The following RGL1 variants were observed in gnomAD, a reference collection of about 807,000 sequenced individuals.
The protein encoded by RGL1 is ral guanine nucleotide dissociation stimulator-like 1.
RGL1 carries 24 observed loss-of-function variants against 95.2 expected under a neutral mutation model. The ratio of observed to expected loss-of-function variants is 0.25; its 90% CI spans 0.18 to 0.35. The LOEUF is 0.35. RGL1 is among the 10% of genes least tolerant of loss of function. The pLI, the probability that RGL1 is intolerant of heterozygous loss-of-function variation, is 1.00. For missense variants in RGL1, 715 were observed against 936.3 expected, an observed-to-expected ratio of 0.76 and a Z score of 3.08; for synonymous variants, 329 against 344.9, an observed-to-expected ratio of 0.95 and a Z score of 0.51.
At chr1:183,836,708 A>T (rs1395294914) in intron 2 of RGL1, among the ~76,000 whole-genome samples, 1 of 152,154 alleles carries the variant, frequency 6.6e-6, no homozygotes, top group Non-Finnish European at 1.5e-5. Context: ...CAAGCCCATG[A>T]TCTAGGAATA....
chr1:183,900,312 TAG>T, intron 11 of RGL1, 76 bp downstream of exon 11: 5 of 1,197,778 alleles, frequency 4.2e-6, no homozygotes, highest in Non-Finnish European at 6.2e-6. Flanking sequence ...TAACTTCTCT[TAG>T]TATCTTTTGA....
chr1:183,843,723 G>C (rs896846771), intron 2 of RGL1, among the ~76,000 whole-genome samples: 1 of 152,172 alleles, frequency 6.6e-6, no homozygotes, highest in Non-Finnish European at 1.5e-5. Flanking sequence ...ATCACAAGGC[G>C]AGGAAGCTTG....
chr1:183,751,743 G>T (rs1157178812), intron 2 of RGL1, among the ~76,000 whole-genome samples: 1 of 152,166 alleles, frequency 6.6e-6, no homozygotes, highest in Non-Finnish European at 1.5e-5. Context: ...CTTAGTATCT[G>T]GGCCAGAGAG....
At chr1:183,669,504 C>G (rs888707193) in intron 1 of RGL1, among the ~76,000 whole-genome samples, 3 of 152,208 alleles carry the variant, frequency 2.0e-5, no homozygotes, top group African/African-American at 7.2e-5. Context: ...ATATGCGATT[C>G]TGTCCAGATA....
At chr1:183,878,855 C>T (rs1666668372) in intron 4 of RGL1, among the ~76,000 whole-genome samples, 1 of 152,118 alleles carries the variant, frequency 6.6e-6, no homozygotes, top group Non-Finnish European at 1.5e-5. Context: ...CTCTCCATAT[C>T]TGTTTTTCCA....
intron 1 of RGL1, among the ~76,000 whole-genome samples, chr1:183,718,247 AAAG>A (rs1655760002): frequency 1.3e-5 from 2 of 151,790 alleles, no homozygotes; most frequent in South Asian, 2.1e-4. Flanking sequence ...AAAAAAAAAA[AAAG>A]AGAGAGAGAG....
Position 183,912,260 on chromosome 1 carries a change from C to G in RGL1, c.1741C>G (p.Gln581Glu), listed in dbSNP as rs755374010. 1.4e-5 allele frequency: 23 copies of G among 1,605,474 alleles called. No individual in the cohort carries two copies. The African/African-American group carries it at 2.8e-4, about 20-fold the overall frequency. ...TCCCATGGACACCCCTGATGAGCCT[C>G]AAAAAAAGGTATATACTCAACCCTT... ...ITPMDTPDEP[Q>E]KKLSESSSSC... is the part of the protein sequence containing the mutation. Residue 581 changes from glutamine to glutamate, a missense_variant, in exon 15 of 18, where the codon CAA (glutamine) becomes GAA (glutamate). Gln to Glu is a conservative substitution (Grantham distance 29). This residue lies in a region of RGL1 where 330 missense variants were observed against 429.6 expected (regional missense o/e 0.77). Coordinates refer to ENST00000360851, the MANE Select transcript of RGL1 (RefSeq NM_001297671.3).
chr1:183,766,496 G>A (rs1179113381), intron 2 of RGL1, among the ~76,000 whole-genome samples: 10 of 152,034 alleles, frequency 6.6e-5, no homozygotes, highest in Non-Finnish European at 5.9e-5. Context: ...CCCATATCAA[G>A]TTTTTCCTCA....
chr1:183,750,943 C>G (rs1657959010), intron 2 of RGL1, among the ~76,000 whole-genome samples: 1 of 152,198 alleles, frequency 6.6e-6, no homozygotes, highest in Non-Finnish European at 1.5e-5. Flanking sequence ...AGCTTCGTCC[C>G]AGAGGGGCAC....
chr1:183,921,872 G>T (rs1669324632), intron 16 of RGL1, among the ~76,000 whole-genome samples: 1 of 152,188 alleles, frequency 6.6e-6, no homozygotes. Flanking sequence ...GGATAATTTT[G>T]GGCCAGGACT....
intron 1 of RGL1, among the ~76,000 whole-genome samples, chr1:183,686,284 A>G (rs1653578247): frequency 2.0e-5 from 3 of 152,222 alleles, no homozygotes; most frequent in Admixed American, 2.0e-4. Context: ...ACCCCTGGAA[A>G]TAATCACCAT....
chr1:183,659,082 G>A (rs1443758899), intron 1 of RGL1, among the ~76,000 whole-genome samples: 1 of 151,954 alleles, frequency 6.6e-6, no homozygotes. Flanking sequence ...AAGACCAAAA[G>A]TAGATAAAAC....
At chr1:183,845,895 TGTCTTTAGGA>T (rs1187215282) in intron 2 of RGL1, among the ~76,000 whole-genome samples, 1 of 152,236 alleles carries the variant, frequency 6.6e-6, no homozygotes, top group African/African-American at 2.4e-5. Flanking sequence ...CCATAGGAGC[TGTCTTTAGGA>T]ATGAGTGTGC....
At chr1:183,746,282 G>A (rs1050828765) in intron 2 of RGL1, among the ~76,000 whole-genome samples, 2 of 151,854 alleles carry the variant, frequency 1.3e-5, no homozygotes, top group Admixed American at 1.3e-4. Context: ...AGTCTTTACT[G>A]CATATGTGTA....
chr1:183,800,904 C>T (rs569833416), upstream of RGL1, among the ~76,000 whole-genome samples: 1 of 152,120 alleles, frequency 6.6e-6, no homozygotes. Flanking sequence ...ATTTAGGTCG[C>T]TTCCACCTCT....
chr1:183,677,000 G>C (rs182571618), intron 1 of RGL1, among the ~76,000 whole-genome samples: 1 of 151,420 alleles, frequency 6.6e-6, no homozygotes, highest in Admixed American at 6.6e-5. Flanking sequence ...GCAAATTATT[G>C]ATTCATTGAA....
intron 2 of RGL1, among the ~76,000 whole-genome samples, chr1:183,787,284 C>G (rs963419405): frequency 6.6e-5 from 10 of 152,326 alleles, no homozygotes; most frequent in African/African-American, 2.4e-4. Flanking sequence ...AACCCCAGCC[C>G]TACCACCTTA....
chr1:183,882,271 A>G (rs1477978695), intron 5 of RGL1, among the ~76,000 whole-genome samples: 1 of 152,238 alleles, frequency 6.6e-6, no homozygotes, highest in Non-Finnish European at 1.5e-5. Flanking sequence ...TTATAGACAC[A>G]CATTGGGCTG....
At chr1:183,665,033 G>A (rs1239305706) in intron 1 of RGL1, among the ~76,000 whole-genome samples, 1 of 151,964 alleles carries the variant, frequency 6.6e-6, no homozygotes, top group African/African-American at 2.4e-5. Context: ...TAAAAATCAA[G>A]GTGAGAAATT....
Sources: allele counts gnomAD v4.1 joint callset (sites outside exome capture counted in the v4.1 genomes callset), GRCh38; gene constraint gnomAD v4.1.1; regional missense constraint gnomAD v4.1.1; transcripts MANE v1.5; gene names NCBI Gene and HGNC (gene_info 2026-07-23, HGNC 2026-07-21).